Variants in TANC2 observed in about 807,000 individuals in gnomAD.
The protein encoded by TANC2 is tetratricopeptide repeat, ankyrin repeat and coiled-coil containing 2.
A neutral mutation model predicts 210.5 loss-of-function variants in TANC2; 26 were observed. That is an observed-to-expected ratio of 0.12 (90% CI 0.09 to 0.17). The LOEUF is 0.17. TANC2 is among the 10% of genes least tolerant of loss of function. TANC2 has a pLI of 1.00. For missense variants in TANC2, 2,129 were observed against 2,608.9 expected, an observed-to-expected ratio of 0.82 and a Z score of 4.01; for synonymous variants, 931 against 967.1, an observed-to-expected ratio of 0.96 and a Z score of 0.69.
intron 11 of TANC2, among the ~76,000 whole-genome samples, chr17:63,326,728 A>C (rs868488968): frequency 1.1e-4 from 17 of 152,022 alleles, no homozygotes; most frequent in African/African-American, 1.4e-4. Context: ...AGACTGTCAA[A>C]AACAACAACA....
intron 7 of TANC2, among the ~76,000 whole-genome samples, chr17:63,212,089 C>G (rs2041904048): frequency 6.6e-6 from 1 of 152,044 alleles, no homozygotes; most frequent in Non-Finnish European, 1.5e-5. Flanking sequence ...TCCAAGTGTT[C>G]TCATTGTTCA....
intron 8 of TANC2, among the ~76,000 whole-genome samples, chr17:63,266,047 CAA>C (rs1298153235): frequency 6.6e-6 from 1 of 151,890 alleles, no homozygotes; most frequent in East Asian, 1.9e-4. Context: ...TTGCTAATAA[CAA>C]GAGTTATGCA....
chr17:63,358,376 A>AGTGT lies in TANC2; in HGVS notation c.2582+2988_2582+2989insGTGT, dbSNP rs1555641221. On this transcript the variant is annotated intron_variant, in intron 14 of 27. Transcript: ENST00000689528. ...GTGAGAGAGAGAGAGAGAGAGAGAG[A>AGTGT]GTATGTGTGTGTGTGTGTGTGTGTG... Among the ~76,000 whole-genome samples the AGTGT allele has an allele frequency of 1.6e-4, 13 of 81,040 alleles. No individual in the cohort carries two copies. The South Asian group carries it at 2.4e-3, about 15-fold the overall frequency. The allele number at this position is 81,040 out of a possible 152,430, so 53.2% of individuals were successfully genotyped here.
At chr17:63,306,676 C>A (rs888112559) in intron 9 of TANC2, among the ~76,000 whole-genome samples, 1 of 152,056 alleles carries the variant, frequency 6.6e-6, no homozygotes. Context: ...TTATGGGGGC[C>A]GGGCATGGTG....
intron 5 of TANC2, among the ~76,000 whole-genome samples, chr17:63,176,533 C>A (rs146580664): frequency 6.6e-6 from 1 of 152,136 alleles, no homozygotes; most frequent in Non-Finnish European, 1.5e-5. Context: ...AGGCCGGTTG[C>A]GGTGGCTTAC....
chr17:62,989,278 T>G (rs6504146), intron 1 of TANC2, among the ~76,000 whole-genome samples: 77,287 of 152,122 alleles, frequency 0.51, 21,017 homozygotes, highest in African/African-American at 0.7. Flanking sequence ...AGAAGACATT[T>G]TGTTTTTAAA....
chr17:63,289,520 T>C (rs1567885852), intron 9 of TANC2, among the ~76,000 whole-genome samples: 1 of 152,204 alleles, frequency 6.6e-6, no homozygotes, highest in Non-Finnish European at 1.5e-5. Flanking sequence ...TTTGCAGTGT[T>C]TTTTAATCTC....
At chr17:63,288,400 C>G (rs373470195) in intron 9 of TANC2, among the ~76,000 whole-genome samples, 2 of 152,280 alleles carry the variant, frequency 1.3e-5, no homozygotes, top group East Asian at 3.9e-4. Flanking sequence ...TATATGCTTT[C>G]TATTTTAAAT....
intron 12 of TANC2, among the ~76,000 whole-genome samples, chr17:63,345,889 G>T (rs2046391687): frequency 6.6e-6 from 1 of 152,146 alleles, no homozygotes; most frequent in Admixed American, 6.6e-5. Flanking sequence ...GCCAGCTTGA[G>T]TCAGGTCCAA....
chr17:62,973,587 T>C (rs1315983001), intron 1 of TANC2, among the ~76,000 whole-genome samples: 1 of 152,196 alleles, frequency 6.6e-6, no homozygotes, highest in East Asian at 1.9e-4. Context: ...TCTAAAATAT[T>C]ACTCAGAGTA....
intron 1 of TANC2, among the ~76,000 whole-genome samples, chr17:62,972,843 A>C (rs1350700752): frequency 3.3e-5 from 5 of 151,952 alleles, no homozygotes; most frequent in Admixed American, 2.6e-4. Flanking sequence ...TGCCTTTATG[A>C]AGTTCTTTTT....
intron 4 of TANC2, among the ~76,000 whole-genome samples, chr17:63,128,699 G>A (rs1411741720): frequency 6.6e-6 from 1 of 152,132 alleles, no homozygotes; most frequent in Non-Finnish European, 1.5e-5. Context: ...AGGATAAGAG[G>A]ACTTCTGTAT....
At chr17:63,077,235 A>G (rs1314436512) in intron 3 of TANC2, among the ~76,000 whole-genome samples, 5 of 152,232 alleles carry the variant, frequency 3.3e-5, no homozygotes, top group Non-Finnish European at 7.3e-5. Context: ...CTGAAGGAAA[A>G]TAATTTTCAA....
intron 9 of TANC2, among the ~76,000 whole-genome samples, chr17:63,268,928 G>T (rs924263019): frequency 6.6e-6 from 1 of 152,146 alleles, no homozygotes; most frequent in African/African-American, 2.4e-5. Context: ...TCTCTGGTAT[G>T]TTAGCAATCT....
chr17:63,151,027 C>G (rs181979501), intron 4 of TANC2: 1 of 140,150 alleles, frequency 7.1e-6, no homozygotes. Flanking sequence ...ATGAAGAATG[C>G]AGTTAGTTTT....
intron 3 of TANC2, among the ~76,000 whole-genome samples, chr17:63,086,526 C>T (rs563201401): frequency 7.2e-5 from 11 of 152,224 alleles, no homozygotes; most frequent in Non-Finnish European, 1.3e-4. Context: ...TTTTGATGTA[C>T]GTTTTCTTAT....
intron 21 of TANC2, among the ~76,000 whole-genome samples, chr17:63,410,860 C>CAAAAAAAAAAAAA (rs34268418): frequency 5.1e-5 from 2 of 39,014 alleles, no homozygotes; most frequent in Non-Finnish European, 4.3e-5. Context: ...GACTCCATCT[C>CAAAAAAAAAAAAA]AAAAAAAAAA....
chr17:63,161,749 A>T (rs1337562563), intron 5 of TANC2, among the ~76,000 whole-genome samples: 2 of 151,862 alleles, frequency 1.3e-5, no homozygotes, highest in Non-Finnish European at 2.9e-5. Flanking sequence ...TATATTGATG[A>T]CTCTGCTGTC....
rs150300696 is a variant in TANC2, at chr17:62,990,588, T to A, written c.-23-18949T>A. ...TGTGAGTCACTGTGCCCTACCATGATTTTTATTTTTTAAAGACGGGAGCAT... is the reference window on the plus strand; with the variant it reads ...TGTGAGTCACTGTGCCCTACCATGAATTTTATTTTTTAAAGACGGGAGCAT... On this transcript the variant is annotated intron_variant, in intron 1 of 27. Transcript: ENST00000689528. Among the ~76,000 whole-genome samples the A allele has an allele frequency of 1.8e-4, 27 of 152,262 alleles. No individual in the cohort carries two copies. In the East Asian group the frequency reaches 5.2e-3, roughly 29 times the overall value.
Sources: gnomAD v4.1 joint callset for allele counts (sites outside exome capture counted in the v4.1 genomes callset) on GRCh38, gnomAD v4.1.1 for gene constraint, MANE v1.5 for transcripts, NCBI Gene and HGNC (gene_info 2026-07-23, HGNC 2026-07-21) for gene names.